Variants in NRXN3 observed in about 807,000 individuals in gnomAD.
NRXN3 encodes neurexin III.
A neutral mutation model predicts 137.6 loss-of-function variants in NRXN3; 32 were observed. That is an observed-to-expected ratio of 0.23 (90% CI 0.18 to 0.31). The LOEUF (loss-of-function observed/expected upper bound fraction) is 0.31, where lower values mean the gene tolerates loss of function less well. Ranked by LOEUF, NRXN3 falls within the 10% of genes least tolerant of loss-of-function variation. The pLI is 1.00. For missense variants in NRXN3, 1,574 were observed against 2,062.5 expected (o/e 0.76, Z 4.59); for synonymous variants, 798 against 784.5 (o/e 1.02, Z -0.29).
At chr14:78,790,501 C>T (rs1398276222) in intron 8 of NRXN3, among the ~76,000 whole-genome samples, 1 of 152,194 alleles carries the variant, frequency 6.6e-6, no homozygotes, top group Non-Finnish European at 1.5e-5. Flanking sequence ...ATTTATGTTG[C>T]TCCTGCTGTT....
chr14:79,388,728 A>T (rs183297974), intron 15 of NRXN3, among the ~76,000 whole-genome samples: 1 of 152,076 alleles, frequency 6.6e-6, no homozygotes, highest in Non-Finnish European at 1.5e-5. Context: ...AGGGAGAGGC[A>T]ATTAATTTCT....
chr14:78,625,297 T>A (rs2097447083), intron 4 of NRXN3, among the ~76,000 whole-genome samples: 1 of 152,230 alleles, frequency 6.6e-6, no homozygotes, highest in Admixed American at 6.5e-5. Flanking sequence ...TGATAGAGTA[T>A]AAGATAAGCC....
intron 15 of NRXN3, among the ~76,000 whole-genome samples, chr14:79,039,151 G>C (rs1304899731): frequency 1.3e-5 from 2 of 152,080 alleles, no homozygotes; most frequent in Non-Finnish European, 2.9e-5. Flanking sequence ...ACTTGGAACT[G>C]TATCTATGGA....
intron 15 of NRXN3, among the ~76,000 whole-genome samples, chr14:79,368,436 G>T (rs1352245014): frequency 6.6e-6 from 1 of 152,148 alleles, no homozygotes; most frequent in Non-Finnish European, 1.5e-5. Context: ...AATAAGCACA[G>T]AATAAAGAAA....
chr14:78,244,981 A>T (rs1446340495), intron 2 of NRXN3, among the ~76,000 whole-genome samples: 3 of 152,234 alleles, frequency 2.0e-5, no homozygotes, highest in African/African-American at 7.2e-5. Flanking sequence ...TTAACTTGAC[A>T]AATACTTAAA....
chr14:79,053,295 A>G (rs1391139307), intron 15 of NRXN3, among the ~76,000 whole-genome samples: 2 of 152,332 alleles, frequency 1.3e-5, no homozygotes, highest in Non-Finnish European at 2.9e-5. Context: ...ATAAGCCTAT[A>G]AGGCATAAGC....
chr14:78,820,018 A>C (rs2098946023), intron 10 of NRXN3, among the ~76,000 whole-genome samples: 1 of 152,082 alleles, frequency 6.6e-6, no homozygotes, highest in Non-Finnish European at 1.5e-5. Context: ...TTCATGAATC[A>C]CTGTTTGTTA....
intron 15 of NRXN3, among the ~76,000 whole-genome samples, chr14:79,167,375 T>C (rs2153082927): frequency 6.6e-6 from 1 of 152,076 alleles, no homozygotes; most frequent in South Asian, 2.1e-4. Flanking sequence ...TGTGACTTTC[T>C]TCAGGGCTCC....
intron 19 of NRXN3, among the ~76,000 whole-genome samples, chr14:79,704,179 C>CTATT (rs1360107945): frequency 2.0e-5 from 3 of 152,140 alleles, no homozygotes; most frequent in African/African-American, 4.8e-5. Context: ...TATGAAACCA[C>CTATT]TATTTTTGTA....
At chr14:78,369,094 C>T (rs2086423583) in intron 4 of NRXN3, among the ~76,000 whole-genome samples, 1 of 152,084 alleles carries the variant, frequency 6.6e-6, no homozygotes, top group Admixed American at 6.5e-5. Flanking sequence ...TTAATATGGG[C>T]ATCTAAATTT....
At chr14:79,434,041 C>T (rs2095804822) in intron 15 of NRXN3, among the ~76,000 whole-genome samples, 1 of 152,192 alleles carries the variant, frequency 6.6e-6, no homozygotes, top group Admixed American at 6.5e-5. Context: ...TTTACAACCT[C>T]TCCATTTAAT....
At chr14:79,668,212 A>G (rs374976417) in intron 17 of NRXN3, among the ~76,000 whole-genome samples, 9 of 151,450 alleles carry the variant, frequency 5.9e-5, no homozygotes, top group African/African-American at 2.2e-4. Flanking sequence ...ACATTAGAAA[A>G]CTCTCTTTAT....
chr14:78,597,983 C>G (rs1016676969), intron 4 of NRXN3, among the ~76,000 whole-genome samples: 1 of 152,140 alleles, frequency 6.6e-6, no homozygotes, highest in Non-Finnish European at 1.5e-5. Flanking sequence ...GACTCACCCT[C>G]GATGATGCAG....
chr14:78,790,660 T>C (rs1261206709), intron 8 of NRXN3, among the ~76,000 whole-genome samples: 4 of 152,158 alleles, frequency 2.6e-5, no homozygotes, highest in Non-Finnish European at 5.9e-5. Context: ...GTGATGCCAG[T>C]TGCTGCATGA....
At chr14:78,293,282 A>G (rs1298560142) in intron 3 of NRXN3, among the ~76,000 whole-genome samples, 1 of 152,090 alleles carries the variant, frequency 6.6e-6, no homozygotes, top group African/African-American at 2.4e-5. Flanking sequence ...TGACCCTCTC[A>G]TCTATGAATG....
At chr14:79,790,767 C>T (rs1015571110) in intron 19 of NRXN3, among the ~76,000 whole-genome samples, 1 of 151,886 alleles carries the variant, frequency 6.6e-6, no homozygotes, top group African/African-American at 2.4e-5. Context: ...ATTATAGATG[C>T]ATGCCACCAC....
chr14:78,210,809 G>A (rs530877412), intron 1 of NRXN3, among the ~76,000 whole-genome samples: 2 of 152,230 alleles, frequency 1.3e-5, no homozygotes, highest in Non-Finnish European at 2.9e-5. Context: ...ATTTATCTAT[G>A]TTGCAAGCAG....
intron 19 of NRXN3, among the ~76,000 whole-genome samples, chr14:79,704,798 T>A (rs2098770191): frequency 6.6e-6 from 1 of 152,152 alleles, no homozygotes. Context: ...TCTAATTTAC[T>A]TGTTGCCTGG....
At chr14:78,661,975 C>T (rs1354224904) in intron 6 of NRXN3, among the ~76,000 whole-genome samples, 1 of 151,456 alleles carries the variant, frequency 6.6e-6, no homozygotes. Flanking sequence ...CTGCACCCTC[C>T]ACCAATTCTC....
Sources: allele counts gnomAD v4.1 joint callset (sites outside exome capture counted in the v4.1 genomes callset), GRCh38; gene constraint gnomAD v4.1.1; transcripts MANE v1.5; gene names NCBI Gene and HGNC (gene_info 2026-07-23, HGNC 2026-07-21).